Variants in PDE1C observed in about 807,000 individuals in gnomAD.
PDE1C encodes the protein dual specificity calcium/calmodulin-dependent 3',5'-cyclic nucleotide phosphodiesterase 1C.
A neutral mutation model predicts 93.1 loss-of-function variants in PDE1C; 62 were observed. The ratio of observed to expected loss-of-function variants is 0.67; its 90% confidence interval spans 0.54 to 0.82. The LOEUF (loss-of-function observed/expected upper bound fraction) is 0.82. Ranked by LOEUF, PDE1C falls within the 40% of genes least tolerant of loss-of-function variation. The pLI is 0.00. For synonymous variants in PDE1C, 325 were observed against 310.1 expected (o/e 1.05, Z -0.50); for missense variants, 742 against 884.6 (o/e 0.84, Z 2.04).
At position 32,241,680 on chromosome 7, in the gene PDE1C, G is replaced by A. The variant is rs565050726; in HGVS notation, c.86-32141C>T. Among the ~76,000 whole-genome samples, 248 of 152,200 alleles carry A rather than the reference G, an allele frequency of 1.6e-3. 1 individual carries two copies. Among genetic ancestry groups the A allele is most frequent in the Non-Finnish European group, 2.6e-3 (179 of 68,038 alleles). On this transcript the variant is annotated intron_variant, in intron 1 of 18. Coordinates refer to the PDE1C transcript ENST00000396193. ...AGGCCATTAGAGCATATATGCATGTGGGTAAGAATAATCCAGTGGAAAATG... is the reference window on the plus strand; with the variant it reads ...AGGCCATTAGAGCATATATGCATGTAGGTAAGAATAATCCAGTGGAAAATG...
At chr7:31,619,396 T>C in the PDE1C span, among the ~76,000 whole-genome samples, 2 of 152,184 alleles carry the variant, frequency 1.3e-5, no homozygotes, top group African/African-American at 2.4e-5. Flanking sequence ...TTCTTATTAT[T>C]TTACCATTAA....
intron 3 of PDE1C, among the ~76,000 whole-genome samples, chr7:32,114,621 A>C (rs1798879110): frequency 6.6e-6 from 1 of 152,226 alleles, no homozygotes; most frequent in Non-Finnish European, 1.5e-5. Flanking sequence ...GACAGATGGG[A>C]TCTAATTGAA....
the PDE1C span, among the ~76,000 whole-genome samples, chr7:31,647,106 G>A: frequency 6.6e-6 from 1 of 152,228 alleles, no homozygotes; most frequent in African/African-American, 2.4e-5. Flanking sequence ...TGGAAAGCAA[G>A]TGGAAATAAG....
chr7:32,303,631 TA>T (rs1307546963), upstream of PDE1C, among the ~76,000 whole-genome samples: 2 of 152,114 alleles, frequency 1.3e-5, no homozygotes, highest in Non-Finnish European at 1.5e-5. Context: ...ATAATCTAAT[TA>T]AACGGGGAAG....
In PDE1C at chr7:32,070,211, T is replaced by C. The variant is rs1210309707; in HGVS notation, c.101+82A>G. 2.5e-6 allele frequency: 4 copies of C among 1,594,970 alleles called. No individual in the cohort carries two copies. In the African/African-American group the frequency reaches 5.4e-5, roughly 21 times the overall value. On this transcript the variant is annotated intron_variant, in intron 1 of 17. Transcript: ENST00000396191. Reference sequence around the variant, plus strand: ...TTTAAAGGCCCATGCAGGAACAGGGTGAGCAGTCGTGACTGCGGCTGTGTG... The same window carrying C: ...TTTAAAGGCCCATGCAGGAACAGGGCGAGCAGTCGTGACTGCGGCTGTGTG...
chr7:31,811,881 C>T (rs1041909803), intron 15 of PDE1C, among the ~76,000 whole-genome samples: 1 of 152,142 alleles, frequency 6.6e-6, no homozygotes, highest in Non-Finnish European at 1.5e-5. Flanking sequence ...AAAACCCCTC[C>T]TTCACCAACA....
chr7:31,759,503 G>A (rs1794694555), intron 17 of PDE1C, among the ~76,000 whole-genome samples: 1 of 152,094 alleles, frequency 6.6e-6, no homozygotes, highest in Admixed American at 6.5e-5. Context: ...CTTCCCCTTG[G>A]GGATACTTTA....
chr7:32,251,123 G>A (rs1283209988), intron 1 of PDE1C, among the ~76,000 whole-genome samples: 2 of 152,234 alleles, frequency 1.3e-5, no homozygotes, highest in Admixed American at 1.3e-4. Flanking sequence ...TCTTTAAACT[G>A]TGGCAACAGA....
chr7:32,335,362 G>A (rs1783598689), intron 1 of PDE1C, among the ~76,000 whole-genome samples: 1 of 152,172 alleles, frequency 6.6e-6, no homozygotes, highest in Admixed American at 6.5e-5. Context: ...TGTGAAGCTT[G>A]CTTAGAGTTC....
intron 2 of PDE1C, among the ~76,000 whole-genome samples, chr7:32,191,409 C>A (rs1018350186): frequency 3.9e-5 from 6 of 152,060 alleles, no homozygotes; most frequent in African/African-American, 1.4e-4. Context: ...TTTTAACCCC[C>A]AACAGTCACT....
chr7:31,749,724 G>A (rs1355596520), downstream of PDE1C, among the ~76,000 whole-genome samples: 6 of 146,524 alleles, frequency 4.1e-5, no homozygotes, highest in Non-Finnish European at 7.4e-5. Context: ...TTTTGTGGTC[G>A]CTGTTGTCTA....
intron 3 of PDE1C, among the ~76,000 whole-genome samples, chr7:32,112,331 A>T (rs1201191658): frequency 6.6e-6 from 1 of 151,712 alleles, no homozygotes; most frequent in Non-Finnish European, 1.5e-5. Flanking sequence ...TATTTTTCCA[A>T]AATTTATTAT....
intron 1 of PDE1C, among the ~76,000 whole-genome samples, chr7:32,216,322 G>A (rs1009939087): frequency 6.6e-6 from 1 of 151,832 alleles, no homozygotes; most frequent in Admixed American, 6.6e-5. Flanking sequence ...TTTAATCCTC[G>A]CTACAGCACT....
intron 1 of PDE1C, among the ~76,000 whole-genome samples, chr7:32,298,003 T>TCCCC (rs1812711548): frequency 2.2e-5 from 1 of 44,950 alleles, no homozygotes; most frequent in Non-Finnish European, 4.0e-5. Context: ...CTCTCCTCTC[T>TCCCC]CTCTCTCTCT....
At chr7:31,922,530 A>G (rs1032858518) in intron 2 of PDE1C, among the ~76,000 whole-genome samples, 14 of 152,228 alleles carry the variant, frequency 9.2e-5, no homozygotes, top group African/African-American at 2.9e-4. Context: ...TTTCAGAGGT[A>G]AAATGTATTT....
At chr7:32,198,413 A>G (rs1213172792) in intron 2 of PDE1C, among the ~76,000 whole-genome samples, 2 of 152,238 alleles carry the variant, frequency 1.3e-5, no homozygotes, top group African/African-American at 4.8e-5. Flanking sequence ...GGTAGATTAA[A>G]TGAAATAAAA....
At position 32,070,280 on chromosome 7, in the gene PDE1C, T is replaced by G. The variant is rs997879355; in HGVS notation, c.101+13A>C. ...CGGGAAATGGGGCAGGAGAAGTAAA[T>G]AGGTATACTTACAGCCCGCGGAGCC... On this transcript the variant is annotated intron_variant, in intron 1 of 17. Coordinates refer to ENST00000396191, the MANE Select transcript of PDE1C (RefSeq NM_001191057.4). The G allele has an allele frequency of 6.2e-7, 1 of 1,613,804 alleles. No homozygotes were observed. The highest frequency in any genetic ancestry group is 8.5e-7 in the Non-Finnish European group (1 of 1,179,960).
At chr7:31,674,321 G>A in the PDE1C span, among the ~76,000 whole-genome samples, 1 of 152,108 alleles carries the variant, frequency 6.6e-6, no homozygotes, top group African/African-American at 2.4e-5. Flanking sequence ...ATGCAATAAA[G>A]AAAGTACATA....
intron 3 of PDE1C, among the ~76,000 whole-genome samples, chr7:32,168,708 T>C (rs1325165703): frequency 6.6e-6 from 1 of 152,166 alleles, no homozygotes; most frequent in East Asian, 1.9e-4. Flanking sequence ...CTGCAATTCT[T>C]GTCTCACTAA....
Sources: gnomAD v4.1 joint callset for allele counts (sites outside exome capture counted in the v4.1 genomes callset) on GRCh38, gnomAD v4.1.1 for gene constraint, MANE v1.5 for transcripts, NCBI Gene and HGNC (gene_info 2026-07-23, HGNC 2026-07-21) for gene names.